CDKAL1: variants seen among roughly 807,000 people sequenced by gnomAD.
The protein encoded by CDKAL1 is threonylcarbamoyladenosine tRNA methylthiotransferase.
CDKAL1 carries 32 observed loss-of-function variants against 68.2 expected under a neutral mutation model. That is an observed-to-expected ratio of 0.47 (90% CI 0.35 to 0.63). The LOEUF (loss-of-function observed/expected upper bound fraction) is 0.63. Ranked by LOEUF, CDKAL1 falls within the 30% of genes least tolerant of loss-of-function variation. The pLI is 0.00. For synonymous variants in CDKAL1, 234 were observed against 244.3 expected (o/e 0.96, Z 0.39); for missense variants, 606 against 696.7 (o/e 0.87, Z 1.47).
At chr6:21,205,683 A>T (rs1778885897) in intron 15 of CDKAL1, among the ~76,000 whole-genome samples, 1 of 150,430 alleles carries the variant, frequency 6.6e-6, no homozygotes, top group African/African-American at 2.5e-5. Flanking sequence ...GGAACCCGCC[A>T]CCACGCCCAG....
At chr6:20,828,806 T>G (rs1386575846) in intron 8 of CDKAL1, among the ~76,000 whole-genome samples, 1 of 152,116 alleles carries the variant, frequency 6.6e-6, no homozygotes, top group Non-Finnish European at 1.5e-5. Flanking sequence ...CCTCCAGAAC[T>G]TTTCCCTCTT....
chr6:21,173,997 G>A (rs1194453640), intron 13 of CDKAL1, among the ~76,000 whole-genome samples: 1 of 152,090 alleles, frequency 6.6e-6, no homozygotes, highest in Non-Finnish European at 1.5e-5. Context: ...TTCAGTGCAG[G>A]AATTTGAGGC....
intron 14 of CDKAL1, among the ~76,000 whole-genome samples, chr6:21,198,492 G>A (rs953998896): frequency 2.6e-5 from 4 of 152,192 alleles, no homozygotes; most frequent in East Asian, 3.8e-4. Context: ...ATTTCCTCTC[G>A]CTGGTACATC....
intron 12 of CDKAL1, among the ~76,000 whole-genome samples, chr6:21,073,413 C>G (rs993520220): frequency 6.6e-6 from 1 of 152,198 alleles, no homozygotes; most frequent in Non-Finnish European, 1.5e-5. Context: ...AATTGCCACA[C>G]TGTCTTCCAA....
intron 13 of CDKAL1, among the ~76,000 whole-genome samples, chr6:21,173,134 T>C (rs1268889133): frequency 6.6e-6 from 1 of 151,904 alleles, no homozygotes; most frequent in Non-Finnish European, 1.5e-5. Flanking sequence ...ACACCCTTCT[T>C]TCCTCCTGCA....
At chr6:20,890,398 A>G (rs566390071) in intron 9 of CDKAL1, among the ~76,000 whole-genome samples, 13 of 152,350 alleles carry the variant, frequency 8.5e-5, no homozygotes, top group Admixed American at 4.6e-4. Flanking sequence ...CCGGATTGGA[A>G]CACTGTACAC....
intron 10 of CDKAL1, among the ~76,000 whole-genome samples, chr6:20,957,008 TAAAA>T (rs70990087): frequency 3.5e-5 from 4 of 113,836 alleles, no homozygotes; most frequent in Middle Eastern, 4.5e-3. Context: ...TGATTCTCTG[TAAAA>T]AAAAAAAAAA....
At chr6:21,120,191 A>G (rs1480468455) in intron 13 of CDKAL1, among the ~76,000 whole-genome samples, 1 of 152,234 alleles carries the variant, frequency 6.6e-6, no homozygotes, top group Non-Finnish European at 1.5e-5. Context: ...AGATGCTTAC[A>G]ATCCATTGGG....
At chr6:21,194,243 CCAGTCACACATTT>C (rs1462366677) in intron 13 of CDKAL1, among the ~76,000 whole-genome samples, 1 of 152,206 alleles carries the variant, frequency 6.6e-6, no homozygotes, top group Non-Finnish European at 1.5e-5. Flanking sequence ...TAGCAGGCTG[CCAGTCACACATTT>C]TATGAGAACC....
Position 20,784,198 on chromosome 6 carries a change from C to G in CDKAL1, c.638+2933C>G, listed in dbSNP as rs116580750. ...ACTAAACTCCAGCCTGGAGATAGAGCTAGACTCCGTCTTAAAAAAAAAAAA... is the reference window on the plus strand; with the variant it reads ...ACTAAACTCCAGCCTGGAGATAGAGGTAGACTCCGTCTTAAAAAAAAAAAA... On this transcript the variant is annotated intron_variant, in intron 8 of 15. Transcript: ENST00000274695. Among the ~76,000 whole-genome samples the G allele has an allele frequency of 4.0e-3, 592 of 149,436 alleles. 8 individuals are homozygous for G. Among genetic ancestry groups the G allele is most frequent in the African/African-American group, 0.013 (545 of 40,608 alleles).
chr6:20,695,761 A>G (rs1771079998), intron 5 of CDKAL1, among the ~76,000 whole-genome samples: 1 of 152,172 alleles, frequency 6.6e-6, no homozygotes, highest in Non-Finnish European at 1.5e-5. Flanking sequence ...AGTAAAATAT[A>G]CATAATATAA....
chr6:20,616,251 C>T (rs535346269), intron 4 of CDKAL1, among the ~76,000 whole-genome samples: 1 of 152,212 alleles, frequency 6.6e-6, no homozygotes, highest in South Asian at 2.1e-4. Flanking sequence ...CTAGGATTGC[C>T]TTGGCGATGC....
At chr6:21,192,879 A>G (rs1034172312) in intron 13 of CDKAL1, among the ~76,000 whole-genome samples, 1 of 149,472 alleles carries the variant, frequency 6.7e-6, no homozygotes, top group South Asian at 2.1e-4. Flanking sequence ...CAGCTGTGCA[A>G]TCATAGCTCA....
At chr6:21,168,503 A>C (rs1021155236) in intron 13 of CDKAL1, among the ~76,000 whole-genome samples, 28 of 152,238 alleles carry the variant, frequency 1.8e-4, no homozygotes, top group Non-Finnish European at 4.4e-5. Context: ...ACACATGAGA[A>C]AAATTTCTTT....
In CDKAL1 at chr6:20,846,140, T is replaced by C. The variant is rs769197136; in HGVS notation, c.704T>C (p.Ile235Thr). 45 of 1,612,828 alleles carry C rather than the reference T, an allele frequency of 2.8e-5. No individual in the cohort carries two copies. The highest frequency in any genetic ancestry group is 3.7e-5 in the Non-Finnish European group (44 of 1,179,168). ...HARGNLASYP[I>T]DELVDRAKQS... The stretch of plus-strand genomic sequence containing the variant: ...AGAGGAAATTTGGCCAGTTATCCAA[T>C]TGATGAACTAGTAGATAGAGCCAAA... Residue 235 changes from isoleucine (I) to threonine (T), a missense_variant, in exon 9 of 16, where the codon ATT (isoleucine) becomes ACT (threonine). Physicochemically the swap from Ile to Thr is moderately conservative, Grantham distance 89 (BLOSUM62 -1). Transcript: ENST00000274695.
At chr6:20,988,645 T>C (rs1221668638) in intron 10 of CDKAL1, among the ~76,000 whole-genome samples, 3 of 152,002 alleles carry the variant, frequency 2.0e-5, no homozygotes, top group Non-Finnish European at 2.9e-5. Flanking sequence ...TTTTTGTTTC[T>C]ATTTTTATTT....
At chr6:20,581,071 G>A (rs1368403986) in intron 4 of CDKAL1, among the ~76,000 whole-genome samples, 1 of 152,164 alleles carries the variant, frequency 6.6e-6, no homozygotes, top group African/African-American at 2.4e-5. Flanking sequence ...TAACAGGCGT[G>A]ATACTTTTAA....
intron 9 of CDKAL1, among the ~76,000 whole-genome samples, chr6:20,921,411 A>C (rs1762951253): frequency 6.6e-6 from 1 of 152,198 alleles, no homozygotes; most frequent in African/African-American, 2.4e-5. Flanking sequence ...TGGGAGGCTG[A>C]GCAAGACTCC....
chr6:21,226,074 T>G (rs1779727901), intron 15 of CDKAL1, among the ~76,000 whole-genome samples: 1 of 152,188 alleles, frequency 6.6e-6, no homozygotes, highest in African/African-American at 2.4e-5. Flanking sequence ...AGCCCAGAGC[T>G]CGAGGACTTA....
Sources: allele counts gnomAD v4.1 joint callset (sites outside exome capture counted in the v4.1 genomes callset), GRCh38; gene constraint gnomAD v4.1.1; transcripts MANE v1.5; gene names NCBI Gene and HGNC (gene_info 2026-07-23, HGNC 2026-07-21).